TANGO6: variants seen among roughly 807,000 people sequenced by gnomAD.
TANGO6 encodes the protein transport and Golgi organization protein 6 homolog.
TANGO6 carries 90 observed loss-of-function variants against 114.2 expected under a neutral mutation model. The observed-to-expected ratio is 0.79, with a 90% CI of 0.66 to 0.94. TANGO6 has a LOEUF of 0.94. TANGO6 is among the 40% of genes least tolerant of loss of function. The pLI, the probability that TANGO6 is intolerant of heterozygous loss-of-function variation, is 0.00. For missense variants in TANGO6, 1,274 were observed against 1,315.3 expected (o/e 0.97, Z 0.49); for synonymous variants, 477 against 509.8 (o/e 0.94, Z 0.87).
intron 1 of TANGO6, among the ~76,000 whole-genome samples, chr16:68,853,892 A>G (rs978147718): frequency 2.0e-5 from 3 of 152,192 alleles, no homozygotes; most frequent in African/African-American, 7.2e-5. Context: ...GATATTGAGC[A>G]TCTTTTCATA....
At chr16:69,004,018 AT>A (rs986038379) in intron 15 of TANGO6, among the ~76,000 whole-genome samples, 2 of 151,530 alleles carry the variant, frequency 1.3e-5, no homozygotes. Context: ...AAAAAAAAAA[AT>A]TTTTTTCAAT....
At chr16:68,967,549 C>T (rs1238407229) in intron 14 of TANGO6, among the ~76,000 whole-genome samples, 1 of 152,232 alleles carries the variant, frequency 6.6e-6, no homozygotes, top group East Asian at 1.9e-4. Context: ...TCCCTGCTTT[C>T]TCAAACTACC....
intron 15 of TANGO6, among the ~76,000 whole-genome samples, chr16:68,997,624 T>C (rs1597052342): frequency 6.6e-6 from 1 of 152,290 alleles, no homozygotes; most frequent in African/African-American, 2.4e-5. Flanking sequence ...TTACCACATC[T>C]CATTTTATCA....
At chr16:68,868,554 G>C (rs1213824238) in intron 4 of TANGO6, among the ~76,000 whole-genome samples, 1 of 144,066 alleles carries the variant, frequency 6.9e-6, no homozygotes, top group Admixed American at 7.2e-5. Context: ...CTAGAGCGCA[G>C]TGGCGTGATC....
intron 15 of TANGO6, among the ~76,000 whole-genome samples, chr16:68,982,630 C>CTTTTTTTGTTTTTTTTTTTTT (rs1963848404): frequency 9.5e-6 from 1 of 105,338 alleles, no homozygotes; most frequent in African/African-American, 4.7e-5. Flanking sequence ...ATGCCCTGGC[C>CTTTTTTTGTTTTTTTTTTTTT]TTTTTTTTTT....
In TANGO6 at chr16:68,982,319, C is replaced by CT. The variant is rs542667850; in HGVS notation, c.2842+8152dup. 2.7e-3 allele frequency among the ~76,000 whole-genome samples: 404 copies of CT among 152,212 alleles called. 3 individuals are homozygous for CT. Among genetic ancestry groups the CT allele is most frequent in the African/African-American group, 9.4e-3 (390 of 41,544 alleles). On this transcript the variant is annotated intron_variant, in intron 15 of 17. Coordinates refer to ENST00000261778, the MANE Select transcript of TANGO6 (RefSeq NM_024562.2). ...AACCTATGTAGTCATCCTGCTGGCCCTAACTAAATTCTAGCCTATCTCATA... is the reference window on the plus strand; with the variant it reads ...AACCTATGTAGTCATCCTGCTGGCCCTTAACTAAATTCTAGCCTATCTCATA...
At chr16:69,079,224 G>A (rs973402283) in intron 17 of TANGO6, among the ~76,000 whole-genome samples, 31 of 151,922 alleles carry the variant, frequency 2.0e-4, no homozygotes, top group Admixed American at 1.8e-3. Flanking sequence ...CACCTACTCC[G>A]GAGGCTGAGG....
intron 14 of TANGO6, among the ~76,000 whole-genome samples, chr16:68,934,434 C>T (rs1963279751): frequency 6.6e-6 from 1 of 151,992 alleles, no homozygotes; most frequent in South Asian, 2.1e-4. Context: ...GGTTCAAAAG[C>T]AAAAAGAGAA....
At chr16:68,872,202 T>C (rs1257347101) in intron 4 of TANGO6, among the ~76,000 whole-genome samples, 1 of 151,582 alleles carries the variant, frequency 6.6e-6, no homozygotes, top group Non-Finnish European at 1.5e-5. Context: ...GCCTGGGCGA[T>C]AGGGTGAGAC....
chr16:68,869,374 T>G (rs1177493695), intron 4 of TANGO6, among the ~76,000 whole-genome samples: 3 of 152,080 alleles, frequency 2.0e-5, no homozygotes, highest in Admixed American at 1.3e-4. Flanking sequence ...GCTACTGAGG[T>G]GGCTGAGGCA....
intron 16 of TANGO6, 117 bp from the exon 17 acceptor site, chr16:69,040,191 C>G: frequency 1.2e-6 from 1 of 818,714 alleles, no homozygotes; most frequent in Non-Finnish European, 2.0e-6. Flanking sequence ...AACTATCCAG[C>G]CCTCTCTAAG....
intron 15 of TANGO6, among the ~76,000 whole-genome samples, chr16:68,998,592 G>C (rs1371049044): frequency 2.6e-5 from 4 of 151,978 alleles, no homozygotes; most frequent in African/African-American, 9.7e-5. Flanking sequence ...TTAGCCAGAT[G>C]TGGTGGTGGA....
chr16:68,895,163 A>G (rs1768533176), intron 7 of TANGO6, among the ~76,000 whole-genome samples: 2 of 152,156 alleles, frequency 1.3e-5, no homozygotes, highest in South Asian at 2.1e-4. Flanking sequence ...AATGCAGTAC[A>G]TGGTAGTTAT....
At chr16:68,938,955 C>A (rs1314238659) in intron 14 of TANGO6, among the ~76,000 whole-genome samples, 16 of 151,098 alleles carry the variant, frequency 1.1e-4, no homozygotes, top group Admixed American at 2.6e-4. Flanking sequence ...ACCTGTAACC[C>A]CAACACTTTG....
At chr16:69,011,271 G>T (rs1964140983) in intron 15 of TANGO6, among the ~76,000 whole-genome samples, 1 of 152,142 alleles carries the variant, frequency 6.6e-6, no homozygotes, top group Non-Finnish European at 1.5e-5. Context: ...GGAGGAGAAA[G>T]AAGAGAGCCC....
At chr16:69,041,219 G>T (rs926128268) in intron 17 of TANGO6, among the ~76,000 whole-genome samples, 1 of 152,074 alleles carries the variant, frequency 6.6e-6, no homozygotes, top group Non-Finnish European at 1.5e-5. Flanking sequence ...GGCCGAGGCA[G>T]GCGGATCACC....
At chr16:69,070,746 ATAT>A (rs145226838) in intron 17 of TANGO6, among the ~76,000 whole-genome samples, 85,434 of 141,506 alleles carry the variant, frequency 0.6, 26,522 homozygotes, top group East Asian at 0.85. Flanking sequence ...GCAAGAATCA[ATAT>A]TATTATTATT....
At chr16:68,941,644 G>T (rs577338175) in intron 14 of TANGO6, among the ~76,000 whole-genome samples, 11 of 152,228 alleles carry the variant, frequency 7.2e-5, no homozygotes, top group Non-Finnish European at 1.2e-4. Flanking sequence ...TACTTGGGAG[G>T]CTGAGGTGGG....
chr16:68,960,993 T>C (rs1418381853), intron 14 of TANGO6, among the ~76,000 whole-genome samples: 1 of 152,188 alleles, frequency 6.6e-6, no homozygotes, highest in Non-Finnish European at 1.5e-5. Context: ...TGGCAGCACC[T>C]CAAGTTAGAA....
Sources: gnomAD v4.1 joint callset for allele counts (sites outside exome capture counted in the v4.1 genomes callset) on GRCh38, gnomAD v4.1.1 for gene constraint, MANE v1.5 for transcripts, NCBI Gene and HGNC (gene_info 2026-07-23, HGNC 2026-07-21) for gene names.